Variants in GADL1 observed in about 807,000 individuals in gnomAD.
GADL1 encodes the protein GAD like acidic amino acid decarboxylase 1, also known as acidic amino acid decarboxylase GADL1.
A neutral mutation model predicts 69.5 loss-of-function variants in GADL1; 71 were observed. That is an observed-to-expected ratio of 1.02 (90% CI 0.84 to 1.25). The LOEUF is 1.25. GADL1 is among the 50% of genes most tolerant of loss of function. The probability of loss-of-function intolerance (pLI) is 0.00; values close to 1 mark genes in which losing one functional copy is unlikely to be tolerated. For missense variants in GADL1, 737 were observed against 631.8 expected (o/e 1.17, Z -1.79); for synonymous variants, 254 against 214.4 (o/e 1.18, Z -1.62).
At chr3:30,796,343 C>T (rs1041221655) in intron 12 of GADL1, among the ~76,000 whole-genome samples, 13 of 152,148 alleles carry the variant, frequency 8.5e-5, no homozygotes, top group African/African-American at 1.2e-4. Flanking sequence ...TATCTCCCCA[C>T]TTCTAATAGA....
At chr3:30,786,467 C>T (rs1180614045) in intron 12 of GADL1, 61 bp from the exon 13 acceptor site, 2 of 869,726 alleles carry the variant, frequency 2.3e-6, no homozygotes, top group Non-Finnish European at 3.9e-6. Context: ...ATGAACATGA[C>T]TGATATGACA....
At chr3:30,867,528 A>ATC (rs1559365289) in intron 1 of GADL1, among the ~76,000 whole-genome samples, 1 of 151,546 alleles carries the variant, frequency 6.6e-6, no homozygotes, top group Non-Finnish European at 1.5e-5. Flanking sequence ...GATTTAACAA[A>ATC]TGTAATTGTA....
At chr3:30,843,724 G>A (rs987485993) in intron 8 of GADL1, among the ~76,000 whole-genome samples, 3 of 152,178 alleles carry the variant, frequency 2.0e-5, no homozygotes, top group African/African-American at 7.2e-5. Flanking sequence ...GACCCAACAG[G>A]GGTTGATAGT....
chr3:30,857,982 T>C (rs1354036170), intron 2 of GADL1, among the ~76,000 whole-genome samples: 2 of 151,976 alleles, frequency 1.3e-5, no homozygotes, highest in Non-Finnish European at 2.9e-5. Context: ...AGAAGTCACT[T>C]TCTCAACAAC....
intron 14 of GADL1, among the ~76,000 whole-genome samples, chr3:30,761,821 C>T (rs1696141702): frequency 1.3e-5 from 2 of 152,140 alleles, no homozygotes; most frequent in South Asian, 4.2e-4. Flanking sequence ...CAATTAGATT[C>T]AAACCTATGG....
rs1695373274 is a variant in GADL1, at chr3:30,726,780, A to G, written c.*1462T>C. On this transcript the variant is annotated 3_prime_UTR_variant, in exon 15 of 15. Coordinates refer to ENST00000282538, the MANE Select transcript of GADL1 (RefSeq NM_207359.3). Reference sequence around the variant, plus strand: ...TTATCTTGGTGAACTCTACACCCACACCTATGAATTCTGTCAATTTCTTAG... The same window carrying G: ...TTATCTTGGTGAACTCTACACCCACGCCTATGAATTCTGTCAATTTCTTAG... 6.6e-6 allele frequency: 1 copy of G among 152,158 alleles called. No individual in the cohort carries two copies. Among genetic ancestry groups the G allele is most frequent in the Non-Finnish European group, 1.5e-5 (1 of 68,012 alleles). The allele number at this position is 152,158 out of a possible 1,614,324, so 9.4% of individuals were successfully genotyped here. A position where few individuals can be genotyped will look rare whatever the true frequency, so the allele number is the denominator to read the frequency against.
At chr3:30,815,470 C>T (rs1259354592) in intron 11 of GADL1, among the ~76,000 whole-genome samples, 2 of 152,134 alleles carry the variant, frequency 1.3e-5, no homozygotes, top group Non-Finnish European at 2.9e-5. Flanking sequence ...CCGAAGGGAA[C>T]AAGAGAACCA....
At chr3:30,757,918 CAATA>C (rs1371681549) in intron 14 of GADL1, among the ~76,000 whole-genome samples, 1 of 152,286 alleles carries the variant, frequency 6.6e-6, no homozygotes, top group East Asian at 1.9e-4. Flanking sequence ...TACCCAGTAC[CAATA>C]AATGCAGATA....
Position 30,785,326 on chromosome 3 carries a change from A to T in GADL1, c.1302+1029T>A, listed in dbSNP as rs530899560. Among the ~76,000 whole-genome samples, 157 of 151,954 alleles carry T rather than the reference A, an allele frequency of 1.0e-3. 2 individuals are homozygous for T. The highest frequency in any genetic ancestry group is 3.7e-3 in the African/African-American group (152 of 41,474). Reference sequence around the variant, plus strand: ...CTGTGCCTAGAACCATGCATGACATAGTAATTGTTCAATGCATCTTATTGA... The same window carrying T: ...CTGTGCCTAGAACCATGCATGACATTGTAATTGTTCAATGCATCTTATTGA... On this transcript the variant is annotated intron_variant, in intron 13 of 14. Coordinates refer to ENST00000282538, the MANE Select transcript of GADL1 (RefSeq NM_207359.3).
chr3:30,869,146 A>T (rs1404800362), intron 1 of GADL1, among the ~76,000 whole-genome samples: 1 of 151,838 alleles, frequency 6.6e-6, no homozygotes, highest in Non-Finnish European at 1.5e-5. Context: ...CAGGGCAAAG[A>T]AAAATTGAGA....
chr3:30,768,739 C>A (rs1057409619), intron 14 of GADL1, among the ~76,000 whole-genome samples: 1 of 152,110 alleles, frequency 6.6e-6, no homozygotes, highest in Non-Finnish European at 1.5e-5. Flanking sequence ...AGAGAAGGAA[C>A]AATTTGATCT....
intron 11 of GADL1, among the ~76,000 whole-genome samples, chr3:30,818,760 A>G (rs1697519280): frequency 6.6e-6 from 1 of 152,156 alleles, no homozygotes; most frequent in South Asian, 2.1e-4. Context: ...GCAACCCTAC[A>G]CTGAGGTGTG....
chr3:30,825,950 C>T (rs1697674751), intron 11 of GADL1, among the ~76,000 whole-genome samples: 1 of 151,740 alleles, frequency 6.6e-6, no homozygotes, highest in African/African-American at 2.4e-5. Flanking sequence ...GGCCTTGTTG[C>T]CGTGAGTTAA....
chr3:30,837,443 T>G (rs1697892533), intron 9 of GADL1, among the ~76,000 whole-genome samples: 1 of 152,084 alleles, frequency 6.6e-6, no homozygotes, highest in Non-Finnish European at 1.5e-5. Flanking sequence ...ATAGGATAAT[T>G]TGGTGTGGTT....
intron 1 of GADL1, among the ~76,000 whole-genome samples, chr3:30,873,632 G>C (rs1485395261): frequency 1.3e-5 from 2 of 152,062 alleles, no homozygotes; most frequent in Admixed American, 1.3e-4. Context: ...TTAATATATA[G>C]TTTTAAAACC....
At chr3:30,836,136 G>A (rs777467583) in intron 9 of GADL1, among the ~76,000 whole-genome samples, 35 of 151,874 alleles carry the variant, frequency 2.3e-4, no homozygotes, top group Middle Eastern at 3.2e-3. Context: ...GACAACTACA[G>A]GAAGGATTAA....
At chr3:30,795,037 C>A (rs1236583489) in intron 12 of GADL1, among the ~76,000 whole-genome samples, 1 of 152,138 alleles carries the variant, frequency 6.6e-6, no homozygotes, top group African/African-American at 2.4e-5. Flanking sequence ...TAAGAGCCTG[C>A]CAATAACGTG....
At chr3:30,752,582 C>T (rs1695852143) in intron 14 of GADL1, among the ~76,000 whole-genome samples, 3 of 152,108 alleles carry the variant, frequency 2.0e-5, no homozygotes, top group Non-Finnish European at 2.9e-5. Flanking sequence ...AGGAGTTATG[C>T]GAGTGTTTTT....
intron 14 of GADL1, among the ~76,000 whole-genome samples, chr3:30,737,949 G>A (rs1438727679): frequency 1.3e-5 from 2 of 152,138 alleles, no homozygotes; most frequent in African/African-American, 2.4e-5. Context: ...TGACAATGAT[G>A]ACAGCACTTC....
Sources: gnomAD v4.1 joint callset for allele counts (sites outside exome capture counted in the v4.1 genomes callset) on GRCh38, gnomAD v4.1.1 for gene constraint, MANE v1.5 for transcripts, NCBI Gene and HGNC (gene_info 2026-07-23, HGNC 2026-07-21) for gene names.